SLC1A1: variants seen among roughly 807,000 people sequenced by gnomAD.
The protein encoded by SLC1A1 is solute carrier family 1 member 1.
Under a neutral mutation model 53.3 loss-of-function variants are expected in SLC1A1, and 43 were observed. That is an observed-to-expected ratio of 0.81 (90% CI 0.63 to 1.04). The LOEUF (loss-of-function observed/expected upper bound fraction) is 1.04, where lower values mean the gene tolerates loss of function less well. Among genes scored for constraint, SLC1A1 ranks in the 50% least tolerant of loss-of-function variants. The pLI, the probability that SLC1A1 is intolerant of heterozygous loss-of-function variation, is 0.00. For synonymous variants in SLC1A1, 307 were observed against 243.2 expected (o/e 1.26, Z -2.44); for missense variants, 748 against 664.9 (o/e 1.12, Z -1.37).
intron 1 of SLC1A1, among the ~76,000 whole-genome samples, chr9:4,499,334 G>A (rs182218998): frequency 2.4e-4 from 36 of 152,132 alleles, no homozygotes; most frequent in African/African-American, 8.4e-4. Context: ...CATGAGTCAC[G>A]GGGCCCAGCC....
chr9:4,516,628 C>T (rs1337015817), intron 1 of SLC1A1, among the ~76,000 whole-genome samples: 1 of 152,180 alleles, frequency 6.6e-6, no homozygotes, highest in African/African-American at 2.4e-5. Flanking sequence ...CTGTCAACTG[C>T]CTGATTTCCC....
chr9:4,531,806 C>T (rs868380344), intron 1 of SLC1A1, among the ~76,000 whole-genome samples: 6 of 152,302 alleles, frequency 3.9e-5, no homozygotes, highest in African/African-American at 1.4e-4. Flanking sequence ...AGGCACCCCC[C>T]AGTAGGGGCA....
chr9:4,548,118 T>A (rs1160800937), intron 2 of SLC1A1, among the ~76,000 whole-genome samples: 1 of 152,074 alleles, frequency 6.6e-6, no homozygotes, highest in East Asian at 1.9e-4. Flanking sequence ...GGGGATGGAG[T>A]CTGGCCTGAG....
At chr9:4,555,180 G>A (rs562376653) in intron 2 of SLC1A1, among the ~76,000 whole-genome samples, 14 of 152,292 alleles carry the variant, frequency 9.2e-5, no homozygotes, top group African/African-American at 2.6e-4. Flanking sequence ...CCTCTCTGCC[G>A]GTGACAGAGA....
intron 1 of SLC1A1, among the ~76,000 whole-genome samples, chr9:4,504,229 G>C (rs1373222953): frequency 1.3e-5 from 2 of 152,146 alleles, no homozygotes; most frequent in African/African-American, 4.8e-5. Flanking sequence ...GCTTGGCACT[G>C]AATCAACCCT....
At chr9:4,577,311 T>C (rs1820645698) in intron 10 of SLC1A1, among the ~76,000 whole-genome samples, 1 of 152,200 alleles carries the variant, frequency 6.6e-6, no homozygotes, top group African/African-American at 2.4e-5. Flanking sequence ...ATGGGCTAGT[T>C]ACAGCATACA....
At chr9:4,502,917 T>A (rs1820684925) in intron 1 of SLC1A1, among the ~76,000 whole-genome samples, 1 of 151,696 alleles carries the variant, frequency 6.6e-6, no homozygotes, top group African/African-American at 2.4e-5. Context: ...ACATAAACCT[T>A]CTGTTTGAGC....
At chr9:4,529,999 T>C (rs1178769583) in intron 1 of SLC1A1, among the ~76,000 whole-genome samples, 1 of 152,164 alleles carries the variant, frequency 6.6e-6, no homozygotes, top group Admixed American at 6.5e-5. Flanking sequence ...ATTTTCTTAT[T>C]TATTTAGACC....
chr9:4,552,140 A>G (rs1424366074), intron 2 of SLC1A1, among the ~76,000 whole-genome samples: 1 of 152,224 alleles, frequency 6.6e-6, no homozygotes, highest in Admixed American at 6.5e-5. Flanking sequence ...AAGGGATTCT[A>G]AGGACCTTCT....
chr9:4,519,743 C>T (rs2130828640), intron 1 of SLC1A1, among the ~76,000 whole-genome samples: 1 of 152,278 alleles, frequency 6.6e-6, no homozygotes, highest in South Asian at 2.1e-4. Flanking sequence ...TATGTAAGGT[C>T]ACACTGCTAG....
intron 1 of SLC1A1, among the ~76,000 whole-genome samples, chr9:4,543,976 C>T (rs182100369): frequency 1.3e-5 from 2 of 151,944 alleles, no homozygotes; most frequent in Non-Finnish European, 2.9e-5. Flanking sequence ...GCCAGGAGTT[C>T]GAGACCAGCC....
chr9:4,521,684 T>A (rs1666913013), intron 1 of SLC1A1, among the ~76,000 whole-genome samples: 1 of 152,158 alleles, frequency 6.6e-6, no homozygotes, highest in Non-Finnish European at 1.5e-5. Context: ...GCTAGTGTCA[T>A]TTTCCCTCAT....
intron 1 of SLC1A1, among the ~76,000 whole-genome samples, chr9:4,514,019 T>G (rs1821080666): frequency 6.6e-6 from 1 of 152,088 alleles, no homozygotes; most frequent in African/African-American, 2.4e-5. Context: ...AGACTAGTGG[T>G]TGCTAGAGGT....
chr9:4,538,621 G>C (rs1391236375), intron 1 of SLC1A1, among the ~76,000 whole-genome samples: 1 of 152,098 alleles, frequency 6.6e-6, no homozygotes, highest in African/African-American at 2.4e-5. Flanking sequence ...TTTTATTGCA[G>C]GCAGAGCTGC....
intron 1 of SLC1A1, among the ~76,000 whole-genome samples, chr9:4,541,073 G>C (rs185068630): frequency 1.3e-5 from 2 of 152,330 alleles, no homozygotes; most frequent in Admixed American, 1.3e-4. Context: ...ATGGTGTCCT[G>C]TGTCCATTGC....
intron 1 of SLC1A1, among the ~76,000 whole-genome samples, chr9:4,495,163 C>T (rs935996656): frequency 6.6e-6 from 1 of 152,182 alleles, no homozygotes; most frequent in African/African-American, 2.4e-5. Flanking sequence ...ATAGGCTTTC[C>T]CGCTTTGTCT....
rs1172781103 is a variant in SLC1A1 at position 4,586,430 on chromosome 9, G to C, written c.*872G>C. The C allele has an allele frequency of 1.3e-5, 2 of 152,078 alleles. No individual in the cohort carries two copies. The highest frequency in any genetic ancestry group is 4.8e-5 in the African/African-American group (2 of 41,388). The allele number at this position is 152,078 out of a possible 1,614,324, so 9.4% of individuals were successfully genotyped here. On this transcript the variant is annotated 3_prime_UTR_variant, in exon 12 of 12. Coordinates refer to ENST00000262352, the MANE Select transcript of SLC1A1 (RefSeq NM_004170.6). ...TCGATCGTTTCACATCTGTATATCA[G>C]CTCTAAAGCAGAGATGTATTATGGT...
At chr9:4,506,905 G>T (rs944954133) in intron 1 of SLC1A1, among the ~76,000 whole-genome samples, 10 of 152,302 alleles carry the variant, frequency 6.6e-5, no homozygotes, top group Non-Finnish European at 1.5e-4. Context: ...AGTACTAAGG[G>T]GGCTGAAGAT....
intron 1 of SLC1A1, among the ~76,000 whole-genome samples, chr9:4,516,495 T>A (rs529230710): frequency 1.3e-5 from 2 of 152,188 alleles, no homozygotes; most frequent in African/African-American, 4.8e-5. Context: ...ATCAAACCTT[T>A]ACCCGACCCA....
Sources: gnomAD v4.1 joint callset for allele counts (sites outside exome capture counted in the v4.1 genomes callset) on GRCh38, gnomAD v4.1.1 for gene constraint, MANE v1.5 for transcripts, NCBI Gene and HGNC (gene_info 2026-07-23, HGNC 2026-07-21) for gene names.